Variants in TBCK observed in about 807,000 individuals in gnomAD.
TBCK encodes TBC domain-containing protein kinase-like protein.
TBCK carries 99 observed loss-of-function variants against 113.4 expected under a neutral mutation model. The ratio of observed to expected loss-of-function variants is 0.87; its 90% confidence interval spans 0.74 to 1.03. The LOEUF is 1.03. TBCK is among the 50% of genes least tolerant of loss of function. TBCK has a pLI of 0.00. For synonymous variants in TBCK, 369 were observed against 370.8 expected (o/e 1.00, Z 0.05); for missense variants, 1,045 against 1,061.3 (o/e 0.98, Z 0.21).
chr4:106,314,349 AATTATG>A (rs754895387), intron 1 of TBCK, among the ~76,000 whole-genome samples: 14 of 152,200 alleles, frequency 9.2e-5, no homozygotes, highest in Non-Finnish European at 1.9e-4. Flanking sequence ...AAAAACTAAA[AATTATG>A]ATTATGACTC....
At chr4:106,143,764 A>G (rs577115925) in intron 23 of TBCK, among the ~76,000 whole-genome samples, 14 of 152,156 alleles carry the variant, frequency 9.2e-5, no homozygotes, top group Admixed American at 6.5e-4. Flanking sequence ...AAAATACAAA[A>G]TTAGCCGGGC....
intron 3 of TBCK, among the ~76,000 whole-genome samples, chr4:106,282,740 A>C (rs1422728001): frequency 6.6e-6 from 1 of 152,156 alleles, no homozygotes; most frequent in East Asian, 1.9e-4. Context: ...AGTTAGATTG[A>C]TTCACAATTC....
chr4:106,128,378 A>G (rs1203345631), intron 23 of TBCK, among the ~76,000 whole-genome samples: 2 of 152,338 alleles, frequency 1.3e-5, no homozygotes, highest in East Asian at 3.9e-4. Context: ...AAGCAGAGTT[A>G]CTGAAATCAA....
chr4:106,193,484 G>A (rs976834295), intron 22 of TBCK, 125 bp downstream of exon 22: 10 of 903,104 alleles, frequency 1.1e-5, no homozygotes, highest in Non-Finnish European at 1.7e-5. Context: ...ATCCAGAGAG[G>A]ATGATGAGGC....
At chr4:106,086,920 A>G (rs1365200416) in intron 25 of TBCK, among the ~76,000 whole-genome samples, 1 of 152,228 alleles carries the variant, frequency 6.6e-6, no homozygotes, top group Non-Finnish European at 1.5e-5. Flanking sequence ...CTCGGTATTG[A>G]TGGAACATAT....
At position 106,316,167 on chromosome 4, in the gene TBCK, AGCCTG is replaced by A. The variant is rs1328751543; in HGVS notation, c.-271_-267del. On this transcript the variant is annotated 5_prime_UTR_variant, in exon 1 of 26. Transcript: ENST00000394708. ...TTCGCGGAACCCGGCGAGGAGCGCA[AGCCTG>A]GCCTTCCCCAAACACAGATCCGAGC... The A allele has an allele frequency of 1.7e-5, 3 of 171,594 alleles. No individual in the cohort carries two copies. The highest frequency in any genetic ancestry group is 1.2e-4 in the Admixed American group (2 of 16,060). The allele number at this position is 171,594 out of a possible 1,614,324, so 10.6% of individuals were successfully genotyped here. A position where few individuals can be genotyped will look rare whatever the true frequency, so the allele number is the denominator to read the frequency against.
At chr4:106,106,435 C>A (rs1742171955) in intron 24 of TBCK, among the ~76,000 whole-genome samples, 1 of 152,170 alleles carries the variant, frequency 6.6e-6, no homozygotes, top group Non-Finnish European at 1.5e-5. Context: ...ATCAGGCTAA[C>A]AGCAGACCTC....
intron 3 of TBCK, among the ~76,000 whole-genome samples, chr4:106,275,434 G>C (rs996560088): frequency 6.6e-6 from 1 of 151,746 alleles, no homozygotes; most frequent in Non-Finnish European, 1.5e-5. Context: ...TAGTGAAATA[G>C]GTCAAGAACA....
At position 106,251,916 on chromosome 4, in the gene TBCK, G is replaced by A. The variant is rs373225780; in HGVS notation, c.547C>T (p.Pro183Ser). ...MPSKKPLPSG[P>S]KSDVWSLGII... is the part of the protein sequence containing the mutation. ...CCAAGAGACCATACATCTGATTTGG[G>A]GCCAGAAGGCAATGGTTTTTTACTT... is the stretch of plus-strand genomic sequence containing the variant. The change falls in exon 6 of 26, where the codon CCC becomes TCC. Residue 183 changes from proline to serine, a missense_variant. Coordinates refer to ENST00000394708, the MANE Select transcript of TBCK (RefSeq NM_001163435.3). The A allele has an allele frequency of 7.8e-5, 125 of 1,610,968 alleles. No homozygotes were observed. Among genetic ancestry groups the A allele is most frequent in the Non-Finnish European group, 1.0e-4 (120 of 1,178,122 alleles).
At chr4:106,158,081 T>C (rs1749331946) in intron 23 of TBCK, among the ~76,000 whole-genome samples, 1 of 152,108 alleles carries the variant, frequency 6.6e-6, no homozygotes, top group African/African-American at 2.4e-5. Context: ...CTTGGTAAAG[T>C]TGTCAAGGGA....
chr4:106,099,698 G>A (rs902896579), intron 24 of TBCK, among the ~76,000 whole-genome samples: 2 of 152,218 alleles, frequency 1.3e-5, no homozygotes, highest in African/African-American at 4.8e-5. Flanking sequence ...ATATTCTACA[G>A]CTCTAATAAA....
chr4:106,181,193 T>C (rs1165494907), intron 22 of TBCK, among the ~76,000 whole-genome samples: 1 of 152,206 alleles, frequency 6.6e-6, no homozygotes, highest in Admixed American at 6.5e-5. Flanking sequence ...TTCATATCCT[T>C]TGCCCATTTT....
intron 3 of TBCK, among the ~76,000 whole-genome samples, chr4:106,292,284 G>C (rs181981738): frequency 1.3e-5 from 2 of 152,142 alleles, no homozygotes; most frequent in Admixed American, 6.5e-5. Flanking sequence ...TAAAGTATAT[G>C]CCCTTGGCTG....
At chr4:106,137,501 AC>A (rs1272857256) in intron 23 of TBCK, among the ~76,000 whole-genome samples, 2 of 140,704 alleles carry the variant, frequency 1.4e-5, no homozygotes, top group African/African-American at 5.0e-5. Context: ...AAGAAAAGTT[AC>A]CTTCAAAAAC....
chr4:106,109,414 T>C (rs1742560645), intron 24 of TBCK, among the ~76,000 whole-genome samples: 1 of 152,080 alleles, frequency 6.6e-6, no homozygotes, highest in African/African-American at 2.4e-5. Context: ...ATGGCAGTAG[T>C]ACAGAAACAG....
intron 23 of TBCK, among the ~76,000 whole-genome samples, chr4:106,133,034 G>A (rs1746140346): frequency 1.3e-5 from 2 of 152,170 alleles, no homozygotes; most frequent in South Asian, 4.1e-4. Context: ...TTGAGTTAAT[G>A]CTGAAATGAG....
At chr4:106,245,399 G>A (rs1249176044) in intron 10 of TBCK, among the ~76,000 whole-genome samples, 1 of 152,292 alleles carries the variant, frequency 6.6e-6, no homozygotes, top group East Asian at 1.9e-4. Context: ...GAGCCTAACT[G>A]ACCTGGAGAG....
intron 23 of TBCK, among the ~76,000 whole-genome samples, chr4:106,135,704 T>G (rs1323441919): frequency 4.9e-5 from 7 of 141,626 alleles, no homozygotes; most frequent in African/African-American, 1.7e-4. Context: ...GAATACCTAT[T>G]AGGTACCACT....
intron 12 of TBCK, among the ~76,000 whole-genome samples, chr4:106,241,520 T>C (rs956791412): frequency 2.0e-5 from 3 of 151,928 alleles, no homozygotes; most frequent in African/African-American, 4.8e-5. Flanking sequence ...ATTAAGGCAA[T>C]GTGGTATTTG....
Sources: gnomAD v4.1 joint callset for allele counts (sites outside exome capture counted in the v4.1 genomes callset) on GRCh38, gnomAD v4.1.1 for gene constraint, MANE v1.5 for transcripts, NCBI Gene and HGNC (gene_info 2026-07-23, HGNC 2026-07-21) for gene names.